ZNF138: variants seen among roughly 807,000 people sequenced by gnomAD.
The protein encoded by ZNF138 is zinc finger protein 138, also known as zinc finger protein 138 (clone pHZ-32).
ZNF138 carries 33 observed loss-of-function variants against 33.0 expected under a neutral mutation model. The observed-to-expected ratio is 1.00, with a 90% confidence interval of 0.76 to 1.34. The LOEUF is 1.34. ZNF138 is among the 40% of genes most tolerant of loss of function. The pLI is 0.00. For missense variants in ZNF138, 360 were observed against 370.8 expected (o/e 0.97, Z 0.24); for synonymous variants, 139 against 120.4 (o/e 1.15, Z -1.01).
rs188458398 is a variant in ZNF138, at chr7:64,827,131, A to G, written c.209-4320A>G. Among the ~76,000 whole-genome samples, 210 of 151,268 alleles carry G rather than the reference A, an allele frequency of 1.4e-3. 1 individual carries two copies. The highest frequency in any genetic ancestry group is 4.6e-4 in the Non-Finnish European group (31 of 67,872). On this transcript the variant is annotated intron_variant, in intron 3 of 3. Coordinates refer to ENST00000307355, the MANE Select transcript of ZNF138 (RefSeq NM_001271639.2). Reference sequence around the variant, plus strand: ...TTAGCATTTTTTTTTTTTAATATGCAGTGTCTTACTATGTTGCTCAGGCTG... The same window carrying G: ...TTAGCATTTTTTTTTTTTAATATGCGGTGTCTTACTATGTTGCTCAGGCTG...
chr7:64,815,978 CTA>C (rs1788597131), intron 3 of ZNF138, among the ~76,000 whole-genome samples: 1 of 151,006 alleles, frequency 6.6e-6, no homozygotes. Flanking sequence ...TTGAGAAACT[CTA>C]TGTTAAACTA....
chr7:64,832,438 CT>C lies in ZNF138; in HGVS notation c.*240del. The C allele has an allele frequency of 6.9e-7, 1 of 1,449,912 alleles. No homozygotes were observed. The highest frequency in any genetic ancestry group is 9.1e-7 in the Non-Finnish European group (1 of 1,093,976). 89.8% of individuals were successfully genotyped at this position (1,449,912 alleles called of 1,614,324 possible). ...TACAAATGTAAAGAATGTGGAAAAG[CT>C]TTTCACCGATACTCAATCCTTAGTA... On this transcript the variant is annotated 3_prime_UTR_variant, in exon 4 of 4. Transcript: ENST00000307355.
the ZNF138 span, among the ~76,000 whole-genome samples, chr7:64,842,677 A>G: frequency 6.6e-6 from 1 of 152,184 alleles, no homozygotes; most frequent in Non-Finnish European, 1.5e-5. Flanking sequence ...TAAGTCTGTA[A>G]GCAACACCTT....
intron 3 of ZNF138, among the ~76,000 whole-genome samples, chr7:64,829,281 CAAGT>C (rs143825833): frequency 0.29 from 44,377 of 151,146 alleles, 7,296 homozygotes; most frequent in Non-Finnish European, 0.36. Flanking sequence ...TTTATTAGAG[CAAGT>C]AAGTATTAAA....
rs1195286046 is a variant in ZNF138, at chr7:64,832,887, CATAAG to C, written c.*688_*692del. 5.1e-6 allele frequency: 2 copies of C among 393,770 alleles called. No individual in the cohort carries two copies. The highest frequency in any genetic ancestry group is 4.1e-5 in the African/African-American group (2 of 48,374). 24.4% of individuals were successfully genotyped at this position (393,770 alleles called of 1,614,324 possible). A position where few individuals can be genotyped will look rare whatever the true frequency, so the allele number is the denominator to read the frequency against. Reference sequence around the variant, plus strand: ...TAACCAGTTCTCACAACTTGCTATACATAAGATGATTCACACTTGAATGAAACCCT... The same window carrying C: ...TAACCAGTTCTCACAACTTGCTATACATGATTCACACTTGAATGAAACCCT... On this transcript the variant is annotated 3_prime_UTR_variant, in exon 4 of 4. Coordinates refer to ENST00000307355, the MANE Select transcript of ZNF138 (RefSeq NM_001271639.2).
At chr7:64,831,036 A>G (rs1790039993) in intron 3 of ZNF138, 1 of 1,551,928 alleles carries the variant, frequency 6.4e-7, no homozygotes. Context: ...GGAAACAGAA[A>G]CCAGTGTCTG....
the ZNF138 span, among the ~76,000 whole-genome samples, chr7:64,847,084 C>T: frequency 5.0e-3 from 756 of 152,068 alleles, 1 homozygote; most frequent in Non-Finnish European, 7.6e-3. Context: ...CATGTTAAAC[C>T]ATCCATGAAT....
At chr7:64,837,817 G>A (rs891241480), downstream of ZNF138, among the ~76,000 whole-genome samples, 1 of 152,164 alleles carries the variant, frequency 6.6e-6, no homozygotes, top group Admixed American at 6.5e-5. Flanking sequence ...TTTTATGAGT[G>A]GTAGGGCAGG....
rs1350698073 is a variant in ZNF138 at position 64,810,237 on chromosome 7, CTTGCGGTT to C, written c.4-4680_4-4673del. ...TTGGGAGGCCGAGGCTGGTGGATCA[CTTGCGGTT>C]AGGGGCTGGAGACTGGCCTGGCCGA... On this transcript the variant is annotated intron_variant, in intron 1 of 3. Coordinates refer to ENST00000307355, the MANE Select transcript of ZNF138 (RefSeq NM_001271639.2). Among the ~76,000 whole-genome samples the C allele has an allele frequency of 2.7e-5, 4 of 150,456 alleles. No homozygotes were observed. In the East Asian group the frequency reaches 7.9e-4, roughly 30 times the overall value.
rs1562926994 is a variant in ZNF138, at chr7:64,831,797, T to C, written c.555T>C (p.His185=). Reference sequence around the variant, plus strand: ...GCATGCTTTCACGCCTAACTCAACATAAAAAAATTCATACTAGAGAGAATT... The same window carrying C: ...GCATGCTTTCACGCCTAACTCAACACAAAAAAATTCATACTAGAGAGAATT... ...SLCMLSRLTQ[H]KKIHTRENFY... is the part of the protein sequence containing the mutation. The change falls in exon 4 of 4, where the codon CAT becomes CAC. Residue 185 remains histidine, a synonymous_variant. Transcript: ENST00000307355. 4.3e-6 allele frequency: 7 copies of C among 1,613,218 alleles called. No homozygotes were observed.
chr7:64,832,179 G>T lies in ZNF138; in HGVS notation c.937G>T (p.Gly313Cys), dbSNP rs1790146485. 1 of 1,608,542 alleles carries T rather than the reference G, an allele frequency of 6.2e-7. No homozygotes were observed. Among genetic ancestry groups the T allele is most frequent in the Non-Finnish European group, 8.5e-7 (1 of 1,178,516 alleles). ...GEEPYKCEEC[G>C]KAFNLS Reference sequence around the variant, plus strand: ...GGAACCATACAAATGTGAGGAATGTGGCAAAGCTTTTAACCTATCTTAACA... The same window carrying T: ...GGAACCATACAAATGTGAGGAATGTTGCAAAGCTTTTAACCTATCTTAACA... Residue 313 changes from glycine (G) to cysteine (C), a missense_variant, in exon 4 of 4, where the codon GGC becomes TGC. Gly to Cys is a radical substitution (Grantham distance 159). Transcript: ENST00000307355.
At chr7:64,853,053 C>A in the ZNF138 span, 1 of 1,465,602 alleles carries the variant, frequency 6.8e-7, no homozygotes, top group Admixed American at 1.7e-5. Context: ...TTGGCACATG[C>A]TATCCTGCCT....
At chr7:64,841,222 G>T in the ZNF138 span, among the ~76,000 whole-genome samples, 1 of 152,010 alleles carries the variant, frequency 6.6e-6, no homozygotes, top group Non-Finnish European at 1.5e-5. Context: ...ATTTTTAGAT[G>T]TATTTCCAAA....
At chr7:64,845,495 C>A in the ZNF138 span, among the ~76,000 whole-genome samples, 1 of 152,206 alleles carries the variant, frequency 6.6e-6, no homozygotes, top group African/African-American at 2.4e-5. Flanking sequence ...TTTAAGGAAT[C>A]TCCACACTCT....
At chr7:64,811,509 C>T (rs1788177739) in intron 1 of ZNF138, among the ~76,000 whole-genome samples, 5 of 152,084 alleles carry the variant, frequency 3.3e-5, no homozygotes, top group Admixed American at 3.3e-4. Context: ...CCATGCCCAA[C>T]TAATTTTTGT....
intron 3 of ZNF138, among the ~76,000 whole-genome samples, chr7:64,825,156 T>C (rs924709684): frequency 9.9e-4 from 5 of 5,068 alleles, no homozygotes; most frequent in African/African-American, 2.6e-3. Flanking sequence ...TGTATGCTCT[T>C]TTTTTTTTTT....
intron 3 of ZNF138, among the ~76,000 whole-genome samples, chr7:64,825,282 T>C (rs1413279990): frequency 3.0e-4 from 42 of 138,676 alleles, no homozygotes; most frequent in Non-Finnish European, 4.9e-4. Flanking sequence ...ACGCCATTCT[T>C]CTGCCTCAGC....
Position 64,832,454 on chromosome 7 carries a change from A to G in ZNF138, c.*252A>G. The G allele has an allele frequency of 7.2e-7, 1 of 1,389,182 alleles. No homozygotes were observed. Among genetic ancestry groups the G allele is most frequent in the Non-Finnish European group, 9.5e-7 (1 of 1,050,550 alleles). The allele number at this position is 1,389,182 out of a possible 1,614,324, so 86.1% of individuals were successfully genotyped here. ...GTGGAAAAGCTTTTCACCGATACTC[A>G]ATCCTTAGTACACATAAGAAAATTC... On this transcript the variant is annotated 3_prime_UTR_variant, in exon 4 of 4. Transcript: ENST00000307355.
downstream of ZNF138, chr7:64,836,856 G>A (rs1372240758): frequency 5.4e-4 from 6 of 11,036 alleles, no homozygotes; most frequent in African/African-American, 1.1e-3. Context: ...ATGCTGCCAT[G>A]GCTAGTAGTC....
Sources: allele counts gnomAD v4.1 joint callset (sites outside exome capture counted in the v4.1 genomes callset), GRCh38; gene constraint gnomAD v4.1.1; transcripts MANE v1.5; gene names NCBI Gene and HGNC (gene_info 2026-07-23, HGNC 2026-07-21).